SLC15A1: variants seen among roughly 807,000 people sequenced by gnomAD.
The protein encoded by SLC15A1 is Caco-2 oligopeptide transporter.
SLC15A1 carries 83 observed loss-of-function variants against 92.9 expected under a neutral mutation model. That is an observed-to-expected ratio of 0.89 (90% CI 0.75 to 1.07). The LOEUF (loss-of-function observed/expected upper bound fraction) is 1.07. Ranked by LOEUF, SLC15A1 falls within the 50% of genes least tolerant of loss-of-function variation. SLC15A1 has a pLI of 0.00. For synonymous variants in SLC15A1, 322 were observed against 318.2 expected (o/e 1.01, Z -0.13); for missense variants, 857 against 880.1 (o/e 0.97, Z 0.33).
chr13:98,736,244 G>T (rs1329179857), intron 1 of SLC15A1, among the ~76,000 whole-genome samples: 2 of 152,176 alleles, frequency 1.3e-5, no homozygotes, highest in African/African-American at 4.8e-5. Context: ...AAGGGGAAAG[G>T]ATTCCCTATT....
In SLC15A1 at chr13:98,735,835, T is replaced by C. The variant is rs143578911; in HGVS notation, c.5-8976A>G. Among the ~76,000 whole-genome samples the C allele has an allele frequency of 1.3e-3, 192 of 152,162 alleles. 1 individual carries two copies. Among genetic ancestry groups the C allele is most frequent in the African/African-American group, 4.4e-3 (181 of 41,498 alleles). ...AACCACAAACCACTGCTCAATGAAA[T>C]AAAGGAGGACACACACAAATGGAAG... is the stretch of plus-strand genomic sequence containing the variant. On this transcript the variant is annotated intron_variant, in intron 1 of 22. Transcript: ENST00000376503.
intron 1 of SLC15A1, among the ~76,000 whole-genome samples, chr13:98,749,725 C>T (rs928676676): frequency 2.0e-5 from 3 of 152,228 alleles, no homozygotes; most frequent in Admixed American, 2.0e-4. Context: ...GATCCCCAAA[C>T]TATGGCTCAT....
intron 11 of SLC15A1, among the ~76,000 whole-genome samples, chr13:98,711,624 T>G (rs532484651): frequency 6.6e-5 from 10 of 152,324 alleles, no homozygotes; most frequent in African/African-American, 2.2e-4. Context: ...TCTTCATTGT[T>G]AGCAACAGAA....
At chr13:98,722,476 C>T (rs2088268454) in intron 5 of SLC15A1, among the ~76,000 whole-genome samples, 1 of 51,940 alleles carries the variant, frequency 1.9e-5, no homozygotes, top group African/African-American at 1.8e-4. Flanking sequence ...TATTTTAACT[C>T]CTGAGTTGAA....
chr13:98,725,366 A>C (rs557167580), intron 4 of SLC15A1, among the ~76,000 whole-genome samples: 10 of 152,268 alleles, frequency 6.6e-5, no homozygotes, highest in African/African-American at 2.4e-4. Flanking sequence ...TTTCCTGACA[A>C]CATCCCACTG....
intron 18 of SLC15A1, among the ~76,000 whole-genome samples, chr13:98,691,277 C>T (rs2802391): frequency 0.67 from 102,023 of 152,090 alleles, 34,590 homozygotes; most frequent in Middle Eastern, 0.74. Context: ...GACCTCATGA[C>T]CTGCCCACCT....
chr13:98,723,801 GA>G, intron 5 of SLC15A1, 110 bp downstream of exon 5: 3 of 1,490,434 alleles, frequency 2.0e-6, no homozygotes, highest in Non-Finnish European at 2.7e-6. Context: ...CAAGGGGGAG[GA>G]AAAACCTCCT....
chr13:98,726,190 C>G lies in SLC15A1; in HGVS notation c.178G>C (p.Val60Leu). ...NLSTAIYHTF[V>L]ALCYLTPILG... ...ATTGGCGTCAGGTAGCACAGAGCCA[C>G]AAACGTATGGTAGATGGCGGTGGAC... Residue 60 changes from valine to leucine, a missense_variant, in exon 4 of 23, where the codon GTG (valine) becomes CTG (leucine). Coordinates refer to ENST00000376503, the MANE Select transcript of SLC15A1 (RefSeq NM_005073.4). The G allele has an allele frequency of 6.2e-7, 1 of 1,614,036 alleles. No individual in the cohort carries two copies. Among genetic ancestry groups the G allele is most frequent in the Non-Finnish European group, 8.5e-7 (1 of 1,180,016 alleles).
At chr13:98,706,524 G>A (rs1247083073) in intron 15 of SLC15A1, among the ~76,000 whole-genome samples, 1 of 152,170 alleles carries the variant, frequency 6.6e-6, no homozygotes, top group Middle Eastern at 3.2e-3. Context: ...TGTTGTGGGA[G>A]GGAATCAGTG....
At position 98,726,392 on chromosome 13, in the gene SLC15A1, T is replaced by G. The variant is rs775485288; in HGVS notation, c.79A>C (p.Arg27=). The change falls in exon 3 of 23, where the codon AGA becomes CGA. Residue 27 remains arginine, a synonymous_variant. Transcript: ENST00000376503. ...FFIVVNEFCE[R]FSYYGMRAIL... Reference sequence around the variant, plus strand: ...CCTCGCATTCCATAGTAGGAAAATCTTTCGCAAAACTCATTGACCACGATG... The same window carrying G: ...CCTCGCATTCCATAGTAGGAAAATCGTTCGCAAAACTCATTGACCACGATG... The G allele has an allele frequency of 1.9e-6, 3 of 1,614,096 alleles. No homozygotes were observed. Among genetic ancestry groups the G allele is most frequent in the African/African-American group, 2.7e-5 (2 of 74,928 alleles).
chr13:98,709,958 T>A, intron 11 of SLC15A1, 47 bp from the exon 12 acceptor site: 1 of 1,594,662 alleles, frequency 6.3e-7, no homozygotes. Flanking sequence ...TGTGGGTTTT[T>A]AAAATTTTAC....
chr13:98,716,015 G>T, intron 8 of SLC15A1, 55 bp from the exon 9 acceptor site: 1 of 1,434,082 alleles, frequency 7.0e-7, no homozygotes, highest in South Asian at 1.1e-5. Context: ...GCGCCCTGTG[G>T]CCTAGAGAGA....
Position 98,721,786 on chromosome 13 carries a change from G to A in SLC15A1, c.465+18C>T. On this transcript the variant is annotated intron_variant, in intron 6 of 22. Coordinates refer to ENST00000376503, the MANE Select transcript of SLC15A1 (RefSeq NM_005073.4). ...TGTAGTTCATTCACGTGGGCTCTGG[G>A]GAGGCCCCTACCCTTACCTGGCCCT... The A allele has an allele frequency of 1.2e-6, 2 of 1,608,950 alleles. No homozygotes were observed. Among genetic ancestry groups the A allele is most frequent in the Non-Finnish European group, 1.7e-6 (2 of 1,175,966 alleles).
intron 1 of SLC15A1, among the ~76,000 whole-genome samples, chr13:98,732,747 A>G (rs568227654): frequency 6.6e-6 from 1 of 152,296 alleles, no homozygotes; most frequent in East Asian, 1.9e-4. Context: ...CCTCCCTTTC[A>G]GGCAGAGAGA....
In SLC15A1 at chr13:98,724,016, G is replaced by C. The variant is rs1022175883; in HGVS notation, c.261C>G (p.Leu87=). The change falls in exon 5 of 23, where the codon CTC becomes CTG. Residue 87 remains leucine, a synonymous_variant. Coordinates refer to ENST00000376503, the MANE Select transcript of SLC15A1 (RefSeq NM_005073.4). ...CTTGTCCAATTGTGTAGACAATGGA[G>C]AGCGACACAATGGTCCTGTGTTTCC... ...WLGKFKTIVS[L]SIVYTIGQAV... is the part of the protein sequence containing the mutation. 6.2e-7 allele frequency: 1 copy of C among 1,614,000 alleles called. No individual in the cohort carries two copies. Among genetic ancestry groups the C allele is most frequent in the Non-Finnish European group, 8.5e-7 (1 of 1,180,004 alleles).
At chr13:98,726,636 T>C (rs1344798364) in intron 2 of SLC15A1, 187 bp from the exon 3 acceptor site, 2 of 746,328 alleles carry the variant, frequency 2.7e-6, no homozygotes, top group African/African-American at 3.5e-5. Flanking sequence ...GAGACAGCAA[T>C]GAAATAAAGC....
chr13:98,740,382 C>A (rs1243523852), intron 1 of SLC15A1, among the ~76,000 whole-genome samples: 1 of 152,190 alleles, frequency 6.6e-6, no homozygotes, highest in East Asian at 1.9e-4. Context: ...CCAAACCTTG[C>A]GTGCTCTCTC....
intron 14 of SLC15A1, 48 bp from the exon 15 acceptor site, chr13:98,708,815 A>C: frequency 2.7e-6 from 4 of 1,459,216 alleles, no homozygotes; most frequent in Non-Finnish European, 3.7e-6. Flanking sequence ...CACATAGATG[A>C]GCTAAGCTAA....
chr13:98,721,692 T>C (rs144137376), intron 6 of SLC15A1, 107 bp from the exon 7 acceptor site: 9 of 1,305,302 alleles, frequency 6.9e-6, no homozygotes, highest in African/African-American at 1.5e-5. Context: ...GGTATCTTAC[T>C]TTCTAATGTA....
Sources: allele counts gnomAD v4.1 joint callset (sites outside exome capture counted in the v4.1 genomes callset), GRCh38; gene constraint gnomAD v4.1.1; transcripts MANE v1.5; gene names NCBI Gene and HGNC (gene_info 2026-07-23, HGNC 2026-07-21).